MMP26: variants seen among roughly 807,000 people sequenced by gnomAD.
MMP26 encodes matrix metallopeptidase 26, also known as matrix metalloproteinase-26.
MMP26 carries 33 observed loss-of-function variants against 31.0 expected under a neutral mutation model. The observed-to-expected ratio is 1.06, with a 90% CI of 0.81 to 1.42. The LOEUF (loss-of-function observed/expected upper bound fraction) is 1.42. MMP26 is among the 40% of genes most tolerant of loss of function. The probability of loss-of-function intolerance (pLI) is 0.00; values close to 1 mark genes in which losing one functional copy is unlikely to be tolerated. For missense variants in MMP26, 347 were observed against 316.1 expected (o/e 1.10, Z -0.74); for synonymous variants, 122 against 114.9 (o/e 1.06, Z -0.40).
At chr11:4,882,097 C>G in intron 2 of MMP26, 1 of 1,613,966 alleles carries the variant, frequency 6.2e-7, no homozygotes, top group Non-Finnish European at 8.5e-7. Flanking sequence ...ATTTCCTCTC[C>G]ATGCTGGCAG....
At chr11:4,759,146 T>C (rs1345400149) in intron 1 of MMP26, among the ~76,000 whole-genome samples, 4 of 148,038 alleles carry the variant, frequency 2.7e-5, no homozygotes, top group Non-Finnish European at 4.5e-5. Context: ...GACAAAAAAT[T>C]TGGCAAAAAT....
rs560946758 is a variant in MMP26, at chr11:4,906,949, G to A, written c.-144-81119G>A. 4.0e-5 allele frequency among the ~76,000 whole-genome samples: 6 copies of A among 151,822 alleles called. No homozygotes were observed. In the East Asian group the frequency reaches 5.8e-4, roughly 15 times the overall value. On this transcript the variant is annotated intron_variant, in intron 2 of 7. Coordinates refer to ENST00000380390, the MANE Select transcript of MMP26 (RefSeq NM_021801.5). ...TACTAAGAATACAAAAATTAGCTAC[G>A]CATGGTGGTGGTGGTGCACACCTGT... is the stretch of plus-strand genomic sequence containing the variant.
At chr11:4,975,772 G>A (rs911926083) in intron 2 of MMP26, among the ~76,000 whole-genome samples, 2 of 151,904 alleles carry the variant, frequency 1.3e-5, no homozygotes, top group African/African-American at 4.8e-5. Flanking sequence ...TTCCTCTTTT[G>A]ATTTCCTCCC....
intron 2 of MMP26, among the ~76,000 whole-genome samples, chr11:4,833,407 G>T (rs1849672622): frequency 6.6e-6 from 1 of 152,144 alleles, no homozygotes; most frequent in Non-Finnish European, 1.5e-5. Flanking sequence ...CTTAACTGTG[G>T]CTGGGAGAGT....
chr11:4,804,160 A>G (rs1849229128), intron 2 of MMP26: 4 of 1,614,200 alleles, frequency 2.5e-6, no homozygotes, highest in Middle Eastern at 1.6e-4. Flanking sequence ...GGAGAGGACC[A>G]GGTCAGTGAT....
chr11:4,927,360 C>T (rs1851287164), intron 2 of MMP26, among the ~76,000 whole-genome samples: 1 of 152,086 alleles, frequency 6.6e-6, no homozygotes, highest in African/African-American at 2.4e-5. Flanking sequence ...AAAACTAGTG[C>T]TTTGAATGAA....
intron 1 of MMP26, among the ~76,000 whole-genome samples, chr11:4,713,001 G>C (rs1272372232): frequency 1.3e-5 from 2 of 152,136 alleles, no homozygotes; most frequent in African/African-American, 4.8e-5. Context: ...AGTAGACTTT[G>C]AAAGAGTAGG....
chr11:4,897,252 G>A (rs983321074), intron 2 of MMP26, among the ~76,000 whole-genome samples: 2 of 152,032 alleles, frequency 1.3e-5, no homozygotes, highest in Non-Finnish European at 2.9e-5. Context: ...CAATTCTCCT[G>A]CCTCAGCCTC....
chr11:4,965,695 T>C (rs1846583433), intron 2 of MMP26, among the ~76,000 whole-genome samples: 1 of 152,220 alleles, frequency 6.6e-6, no homozygotes, highest in Admixed American at 6.5e-5. Context: ...GGGAATTTGT[T>C]CTTTCGTTGC....
intron 2 of MMP26, among the ~76,000 whole-genome samples, chr11:4,968,415 A>C (rs1846623678): frequency 6.6e-6 from 1 of 152,010 alleles, no homozygotes; most frequent in African/African-American, 2.4e-5. Context: ...GGGAAATCTC[A>C]AGATCAATTC....
intron 2 of MMP26, among the ~76,000 whole-genome samples, chr11:4,809,090 A>G (rs1865283): frequency 0.63 from 94,801 of 151,602 alleles, 30,602 homozygotes; most frequent in Middle Eastern, 0.74. Context: ...AATGGAATGT[A>G]CATTCTCTAA....
intron 2 of MMP26, among the ~76,000 whole-genome samples, chr11:4,819,705 G>C (rs1274810004): frequency 1.4e-5 from 2 of 147,844 alleles, no homozygotes; most frequent in Non-Finnish European, 3.0e-5. Flanking sequence ...AGCTTACCCA[G>C]TAGTTGGGAC....
intron 1 of MMP26, among the ~76,000 whole-genome samples, chr11:4,717,116 T>C (rs2133271021): frequency 6.6e-6 from 1 of 152,372 alleles, no homozygotes; most frequent in Non-Finnish European, 1.5e-5. Flanking sequence ...ATTCTTTACT[T>C]ACTCAGAGAA....
Position 4,946,658 on chromosome 11 carries a change from A to G in MMP26, c.-144-41410A>G, listed in dbSNP as rs369679633. 72 of 1,591,562 alleles carry G rather than the reference A, an allele frequency of 4.5e-5. 4 individuals carry two copies. The highest frequency in any genetic ancestry group is 3.0e-4 in the South Asian group (27 of 90,534). On this transcript the variant is annotated intron_variant, in intron 2 of 7. Transcript: ENST00000380390. ...GAGCATGCTCTTAAAGGAGAATACTATCCCTATTTGGGCAACTCTGACAGT... is the reference window on the plus strand; with the variant it reads ...GAGCATGCTCTTAAAGGAGAATACTGTCCCTATTTGGGCAACTCTGACAGT...
At chr11:4,721,842 G>A (rs1330550152) in intron 1 of MMP26, among the ~76,000 whole-genome samples, 1 of 152,180 alleles carries the variant, frequency 6.6e-6, no homozygotes, top group East Asian at 1.9e-4. Flanking sequence ...TAGAGTTGGA[G>A]GAGACATTCT....
intron 2 of MMP26, among the ~76,000 whole-genome samples, chr11:4,865,109 T>G (rs1015730427): frequency 1.3e-5 from 2 of 152,112 alleles, no homozygotes; most frequent in Non-Finnish European, 2.9e-5. Flanking sequence ...TACAATCAAA[T>G]AGGCCTAGTG....
intron 2 of MMP26, chr11:4,787,769 A>G (rs1848968747): frequency 1.3e-5 from 2 of 152,176 alleles, no homozygotes; most frequent in Admixed American, 1.3e-4. Flanking sequence ...TTTCTCTCCC[A>G]TGCCAACCCG....
At chr11:4,808,707 C>A (rs1418693559) in intron 2 of MMP26, among the ~76,000 whole-genome samples, 12 of 151,716 alleles carry the variant, frequency 7.9e-5, no homozygotes, top group African/African-American at 2.9e-4. Context: ...AGTTATGTCT[C>A]TCAGCCTTCC....
rs1002418342 is a variant in MMP26 at position 4,881,846 on chromosome 11, A to G, written c.-144-106222A>G. On this transcript the variant is annotated intron_variant, in intron 2 of 7. Transcript: ENST00000380390. ...GACTAATAAAATGTATGCTATATAT[A>G]TAAAGAATCTTAATTATTTTTCTTT... 10 of 1,441,120 alleles carry G rather than the reference A, an allele frequency of 6.9e-6. No individual in the cohort carries two copies. Among genetic ancestry groups the G allele is most frequent in the Non-Finnish European group, 9.7e-6 (10 of 1,026,368 alleles). The allele number at this position is 1,441,120 out of a possible 1,614,324, so 89.3% of individuals were successfully genotyped here.
Sources: gnomAD v4.1 joint callset for allele counts (sites outside exome capture counted in the v4.1 genomes callset) on GRCh38, gnomAD v4.1.1 for gene constraint, MANE v1.5 for transcripts, NCBI Gene and HGNC (gene_info 2026-07-23, HGNC 2026-07-21) for gene names.